SCMH1: variants seen among roughly 807,000 people sequenced by gnomAD.
SCMH1 encodes Scm polycomb group protein homolog 1.
Under a neutral mutation model 70.8 loss-of-function variants are expected in SCMH1, and 37 were observed. The ratio of observed to expected loss-of-function variants is 0.52; its 90% confidence interval spans 0.40 to 0.69. The LOEUF is 0.69. Among genes scored for constraint, SCMH1 ranks in the 30% least tolerant of loss-of-function variants. The probability of loss-of-function intolerance (pLI) is 0.00; values close to 1 mark genes in which losing one functional copy is unlikely to be tolerated. For missense variants in SCMH1, 607 were observed against 827.3 expected (o/e 0.73, Z 3.27); for synonymous variants, 292 against 307.4 (o/e 0.95, Z 0.52).
chr1:41,198,034 G>T (rs1653438314), intron 1 of SCMH1, among the ~76,000 whole-genome samples: 1 of 152,084 alleles, frequency 6.6e-6, no homozygotes, highest in Admixed American at 6.6e-5. Flanking sequence ...AAGTGTCTCT[G>T]GACCTCAATT....
At chr1:41,059,839 G>GGCGCT (rs1651939643) in intron 10 of SCMH1, among the ~76,000 whole-genome samples, 1 of 152,056 alleles carries the variant, frequency 6.6e-6, no homozygotes, top group Non-Finnish European at 1.5e-5. Context: ...TTGAGTGCAC[G>GGCGCT]GCGCTGAAAA....
chr1:41,237,540 A>C (rs1201541585), intron 1 of SCMH1, among the ~76,000 whole-genome samples: 1 of 152,114 alleles, frequency 6.6e-6, no homozygotes, highest in Non-Finnish European at 1.5e-5. Flanking sequence ...TCAACTCCAA[A>C]CTGCATCACA....
At chr1:41,087,937 GGTGTGTGTGT>G (rs55721560) in intron 8 of SCMH1, among the ~76,000 whole-genome samples, 9 of 139,908 alleles carry the variant, frequency 6.4e-5, no homozygotes, top group Admixed American at 1.5e-4. Context: ...TATAGTTTCT[GGTGTGTGTGT>G]GTGTGTGTGT....
intron 6 of SCMH1, among the ~76,000 whole-genome samples, chr1:41,122,675 G>A (rs1672238561): frequency 6.6e-6 from 1 of 152,178 alleles, no homozygotes; most frequent in African/African-American, 2.4e-5. Context: ...AACGTTACAA[G>A]TCAAGGTAAA....
chr1:41,154,356 T>C (rs1241566311), intron 4 of SCMH1, among the ~76,000 whole-genome samples: 1 of 152,206 alleles, frequency 6.6e-6, no homozygotes, highest in African/African-American at 2.4e-5. Context: ...CTGAAGATGT[T>C]GGTAAAAGTC....
intron 8 of SCMH1, among the ~76,000 whole-genome samples, chr1:41,101,438 C>T (rs1666625296): frequency 1.3e-5 from 2 of 152,110 alleles, no homozygotes; most frequent in African/African-American, 2.4e-5. Flanking sequence ...AATAGTAGGG[C>T]AAATAACTGA....
rs553024414 is a variant in SCMH1 at position 41,063,259 on chromosome 1, G to A, written c.1105+7336C>T. Among the ~76,000 whole-genome samples, 3 of 152,170 alleles carry A rather than the reference G, an allele frequency of 2.0e-5. No individual in the cohort carries two copies. In the East Asian group the frequency reaches 5.8e-4, roughly 29 times the overall value. ...GAGGCTGAGGCGGGCGGATCATGAGGGCAGGAGGTCGAGACCACCCTGGCC... is the reference window on the plus strand; with the variant it reads ...GAGGCTGAGGCGGGCGGATCATGAGAGCAGGAGGTCGAGACCACCCTGGCC... On this transcript the variant is annotated intron_variant, in intron 10 of 14. Transcript: ENST00000337495.
At chr1:41,092,846 T>C (rs971687176) in intron 8 of SCMH1, among the ~76,000 whole-genome samples, 4 of 152,100 alleles carry the variant, frequency 2.6e-5, no homozygotes, top group African/African-American at 9.7e-5. Flanking sequence ...CCAGTTAGAA[T>C]GGCGATCATT....
chr1:41,083,872 G>C (rs1299845176), intron 8 of SCMH1, among the ~76,000 whole-genome samples: 1 of 152,136 alleles, frequency 6.6e-6, no homozygotes, highest in East Asian at 1.9e-4. Flanking sequence ...ACAAGCAATG[G>C]GGAAAGGATT....
At chr1:41,229,341 A>T (rs1452369328) in intron 1 of SCMH1, among the ~76,000 whole-genome samples, 1 of 152,264 alleles carries the variant, frequency 6.6e-6, no homozygotes, top group Non-Finnish European at 1.5e-5. Flanking sequence ...GAACCAACCC[A>T]AATGTCCATC....
At chr1:41,047,576 T>TG (rs1440348692) in intron 11 of SCMH1, among the ~76,000 whole-genome samples, 1 of 151,956 alleles carries the variant, frequency 6.6e-6, no homozygotes, top group Non-Finnish European at 1.5e-5. Context: ...TTTTGTATTT[T>TG]TTTTTAGTAG....
chr1:41,135,829 T>C (rs1040947691), intron 6 of SCMH1, among the ~76,000 whole-genome samples: 2 of 152,216 alleles, frequency 1.3e-5, no homozygotes, highest in Non-Finnish European at 2.9e-5. Context: ...ATTGTTGAAC[T>C]ACAACTCAAC....
intron 2 of SCMH1, among the ~76,000 whole-genome samples, chr1:41,179,509 C>T (rs908134449): frequency 6.6e-6 from 1 of 152,004 alleles, no homozygotes; most frequent in Non-Finnish European, 1.5e-5. Context: ...CAAATAGATG[C>T]AATAAAAAAT....
chr1:41,218,100 C>T (rs1263332238), intron 1 of SCMH1, among the ~76,000 whole-genome samples: 1 of 152,042 alleles, frequency 6.6e-6, no homozygotes, highest in Admixed American at 6.5e-5. Context: ...AAATTAGGAA[C>T]TTTTTGAGTT....
At chr1:41,090,200 A>G (rs965636561) in intron 8 of SCMH1, among the ~76,000 whole-genome samples, 1 of 152,194 alleles carries the variant, frequency 6.6e-6, no homozygotes, top group African/African-American at 2.4e-5. Flanking sequence ...TGTATCTATC[A>G]ACATTTATCA....
chr1:41,076,717 G>T (rs982016294), intron 8 of SCMH1, among the ~76,000 whole-genome samples: 1 of 152,150 alleles, frequency 6.6e-6, no homozygotes, highest in Admixed American at 6.6e-5. Context: ...AACAACAAGT[G>T]CAAAGAGTCT....
intron 5 of SCMH1, among the ~76,000 whole-genome samples, chr1:41,143,508 G>C (rs1644284116): frequency 6.6e-6 from 1 of 151,682 alleles, no homozygotes; most frequent in Admixed American, 6.6e-5. Context: ...TCAGTATATT[G>C]GTGTGTATAT....
chr1:41,238,431 A>G (rs1662820972), intron 1 of SCMH1, among the ~76,000 whole-genome samples: 1 of 152,148 alleles, frequency 6.6e-6, no homozygotes, highest in Non-Finnish European at 1.5e-5. Context: ...AAAAGTAAAA[A>G]AACTATTACC....
chr1:41,181,994 A>G (rs1648913453), intron 2 of SCMH1, among the ~76,000 whole-genome samples: 1 of 152,236 alleles, frequency 6.6e-6, no homozygotes, highest in Non-Finnish European at 1.5e-5. Context: ...TGTGGCACAT[A>G]TACACCATGG....
Sources: gnomAD v4.1 joint callset for allele counts (sites outside exome capture counted in the v4.1 genomes callset) on GRCh38, gnomAD v4.1.1 for gene constraint, MANE v1.5 for transcripts, NCBI Gene and HGNC (gene_info 2026-07-23, HGNC 2026-07-21) for gene names.